The following MORC1 variants were observed in gnomAD, a reference collection of about 807,000 sequenced individuals.
MORC1 encodes MORC family CW-type zinc finger protein 1.
A neutral mutation model predicts 134.9 loss-of-function variants in MORC1; 59 were observed. That is an observed-to-expected ratio of 0.44 (90% CI 0.35 to 0.54). The LOEUF (loss-of-function observed/expected upper bound fraction) is 0.54, where lower values mean the gene tolerates loss of function less well. MORC1 is among the 20% of genes least tolerant of loss of function. The pLI is 0.00. For synonymous variants in MORC1, 395 were observed against 391.7 expected (o/e 1.01, Z -0.10); for missense variants, 947 against 1,134.5 (o/e 0.83, Z 2.37).
intron 23 of MORC1, among the ~76,000 whole-genome samples, chr3:108,981,252 C>T (rs1192807623): frequency 6.6e-6 from 1 of 152,078 alleles, no homozygotes; most frequent in African/African-American, 2.4e-5. Context: ...ATTAAGATCA[C>T]AGCTCTAGAG....
chr3:109,063,636 C>T (rs1950132228), intron 9 of MORC1, among the ~76,000 whole-genome samples: 1 of 152,154 alleles, frequency 6.6e-6, no homozygotes. Flanking sequence ...ACAATTATCT[C>T]TAACTGCGAT....
chr3:109,004,761 G>T (rs1156923796), intron 20 of MORC1, 56 bp downstream of exon 20: 7 of 1,501,084 alleles, frequency 4.7e-6, no homozygotes, highest in Non-Finnish European at 6.4e-6. Context: ...AAGATTAAAG[G>T]TTTATCCTAT....
intron 21 of MORC1, among the ~76,000 whole-genome samples, chr3:108,994,588 T>C (rs1018408674): frequency 2.0e-5 from 3 of 152,074 alleles, no homozygotes; most frequent in Non-Finnish European, 4.4e-5. Flanking sequence ...GAGAAGGGTA[T>C]ATGTTGCTTC....
intron 24 of MORC1, among the ~76,000 whole-genome samples, chr3:108,976,249 C>T (rs1345004679): frequency 1.3e-5 from 2 of 152,122 alleles, no homozygotes; most frequent in Non-Finnish European, 2.9e-5. Context: ...GATGACGTCA[C>T]GTCCAAAGTG....
chr3:108,968,733 C>T (rs1947285440), intron 26 of MORC1, among the ~76,000 whole-genome samples: 1 of 149,006 alleles, frequency 6.7e-6, no homozygotes, highest in South Asian at 2.2e-4. Flanking sequence ...CATAAGCATA[C>T]AGAAGAAGAT....
At chr3:109,092,060 T>C (rs1950740215) in intron 8 of MORC1, among the ~76,000 whole-genome samples, 1 of 152,120 alleles carries the variant, frequency 6.6e-6, no homozygotes, top group African/African-American at 2.4e-5. Context: ...TTAAATAGCA[T>C]GAAATATCGG....
At position 109,087,815 on chromosome 3, in the gene MORC1, G is replaced by A. The variant is rs141208523; in HGVS notation, c.689+5621C>T. ...CAAAGCTGGAGGCACCACATTACCC[G>A]ACTTCAAATTATACTAAAGGGGTAC... On this transcript the variant is annotated intron_variant, in intron 8 of 27. Transcript: ENST00000232603. 3.0e-4 allele frequency among the ~76,000 whole-genome samples: 46 copies of A among 152,082 alleles called. No homozygotes were observed. In the East Asian group the frequency reaches 6.2e-3, roughly 20 times the overall value.
intron 8 of MORC1, among the ~76,000 whole-genome samples, chr3:109,080,327 A>G (rs1950499332): frequency 6.6e-6 from 1 of 152,100 alleles, no homozygotes. Context: ...TCTTTTTAAA[A>G]CCATCACATC....
chr3:109,103,952 G>A (rs767715128), intron 3 of MORC1, 35 bp from the exon 4 acceptor site: 23 of 1,574,206 alleles, frequency 1.5e-5, no homozygotes, highest in East Asian at 4.5e-5. Flanking sequence ...AATAAATATC[G>A]GGCTTAATTT....
intron 26 of MORC1, among the ~76,000 whole-genome samples, chr3:108,968,062 C>A (rs1320378903): frequency 6.6e-6 from 1 of 152,158 alleles, no homozygotes; most frequent in Non-Finnish European, 1.5e-5. Context: ...CAGTGCCTGG[C>A]AGCTCTAGTG....
chr3:109,093,294 GC>G (rs1346172584), intron 8 of MORC1, 141 bp downstream of exon 8: 2 of 611,344 alleles, frequency 3.3e-6, no homozygotes, highest in Non-Finnish European at 5.7e-6. Flanking sequence ...CACTGACCTA[GC>G]CCAACTTTAC....
intron 8 of MORC1, among the ~76,000 whole-genome samples, chr3:109,083,317 A>AAC (rs1040132077): frequency 2.0e-5 from 3 of 151,746 alleles, no homozygotes; most frequent in Non-Finnish European, 2.9e-5. Flanking sequence ...GTAAAGAAAA[A>AAC]AAAAAACCTT....
intron 9 of MORC1, among the ~76,000 whole-genome samples, chr3:109,068,303 T>C (rs1190010230): frequency 1.3e-5 from 2 of 152,190 alleles, no homozygotes; most frequent in African/African-American, 4.8e-5. Flanking sequence ...CTGGTGCATC[T>C]ATCACTCAAA....
intron 9 of MORC1, among the ~76,000 whole-genome samples, chr3:109,067,033 A>G (rs1403131627): frequency 2.0e-5 from 3 of 152,232 alleles, no homozygotes; most frequent in African/African-American, 4.8e-5. Flanking sequence ...GGGTGTTAGC[A>G]TATGGAAAGC....
intron 17 of MORC1, among the ~76,000 whole-genome samples, chr3:109,012,324 A>G (rs917533407): frequency 6.6e-6 from 1 of 152,198 alleles, no homozygotes; most frequent in Non-Finnish European, 1.5e-5. Context: ...TTTTTACACC[A>G]ATACCACACT....
Position 109,022,105 on chromosome 3 carries a change from T to C in MORC1, c.1704+5646A>G, listed in dbSNP as rs1477450934. 7.9e-5 allele frequency among the ~76,000 whole-genome samples: 12 copies of C among 152,212 alleles called. 1 individual carries two copies. Among genetic ancestry groups the C allele is most frequent in the Admixed American group, 7.9e-4 (12 of 15,274 alleles). On this transcript the variant is annotated intron_variant, in intron 17 of 27. Coordinates refer to ENST00000232603, the MANE Select transcript of MORC1 (RefSeq NM_014429.4). ...GAGTAATAAAGTAAAATATTTCATC[T>C]ACAATAACTAGAATAGCCTCTTGTT...
Position 109,069,736 on chromosome 3 carries a change from G to C in MORC1, c.711C>G (p.Phe237Leu), listed in dbSNP as rs1411876590. The change falls in exon 9 of 28, where the codon TTC becomes TTG. Residue 237 changes from phenylalanine to leucine, a missense_variant. Phe to Leu is a conservative substitution (Grantham distance 22). Transcript: ENST00000232603. ...AATACAGAACAGATGTGTAGGCTCT[G>C]AATGACCACCTCGCTGGGAAACTGA... is the stretch of plus-strand genomic sequence containing the variant. The part of the protein sequence containing the change: ...ALEDFPARWS[F>L]RAYTSVLYFN... 1 of 1,609,218 alleles carries C rather than the reference G, an allele frequency of 6.2e-7. No individual in the cohort carries two copies. Among genetic ancestry groups the C allele is most frequent in the Non-Finnish European group, 8.5e-7 (1 of 1,176,894 alleles).
chr3:109,105,006 T>G (rs1347037706), intron 3 of MORC1, among the ~76,000 whole-genome samples: 1 of 152,160 alleles, frequency 6.6e-6, no homozygotes, highest in African/African-American at 2.4e-5. Context: ...CACCCTCACC[T>G]TACCCTCAAG....
At chr3:109,011,892 C>T (rs9826012) in intron 17 of MORC1, among the ~76,000 whole-genome samples, 39,217 of 152,106 alleles carry the variant, frequency 0.26, 5,264 homozygotes, top group Middle Eastern at 0.43. Context: ...ATATTTTCTC[C>T]CAGTCTGTAG....
Sources: allele counts gnomAD v4.1 joint callset (sites outside exome capture counted in the v4.1 genomes callset), GRCh38; gene constraint gnomAD v4.1.1; transcripts MANE v1.5; gene names NCBI Gene and HGNC (gene_info 2026-07-23, HGNC 2026-07-21).